Variants in LRRC4C observed in about 807,000 individuals in gnomAD.
The protein encoded by LRRC4C is leucine-rich repeat-containing protein 4C.
A neutral mutation model predicts 33.6 loss-of-function variants in LRRC4C; 5 were observed. That is an observed-to-expected ratio of 0.15 (90% CI 0.08 to 0.31). The LOEUF (loss-of-function observed/expected upper bound fraction) is 0.31. Ranked by LOEUF, LRRC4C falls within the 10% of genes least tolerant of loss-of-function variation. The pLI is 1.00. For synonymous variants in LRRC4C, 329 were observed against 302.0 expected (o/e 1.09, Z -0.93); for missense variants, 560 against 796.7 (o/e 0.70, Z 3.58).
chr11:40,696,820 T>C (rs1366974731), intron 2 of LRRC4C, among the ~76,000 whole-genome samples: 1 of 145,094 alleles, frequency 6.9e-6, no homozygotes, highest in Non-Finnish European at 1.5e-5. Context: ...ATTAGTGCCT[T>C]TGCAACAAGC....
chr11:41,069,286 A>C (rs967078838), intron 1 of LRRC4C, among the ~76,000 whole-genome samples: 10 of 152,216 alleles, frequency 6.6e-5, no homozygotes, highest in African/African-American at 2.4e-4. Flanking sequence ...AATACAAGCT[A>C]TTTATGACAA....
intron 5 of LRRC4C, among the ~76,000 whole-genome samples, chr11:40,177,885 T>C (rs1306416578): frequency 1.3e-5 from 2 of 152,244 alleles, no homozygotes; most frequent in African/African-American, 2.4e-5. Context: ...GAATTGAGCC[T>C]GGCACATAGT....
intron 2 of LRRC4C, among the ~76,000 whole-genome samples, chr11:40,679,021 G>C (rs775018112): frequency 6.6e-6 from 1 of 152,160 alleles, no homozygotes; most frequent in Non-Finnish European, 1.5e-5. Context: ...TGACAAAAAT[G>C]CTGATAGTGA....
At chr11:40,940,378 T>C (rs1375505084) in intron 1 of LRRC4C, among the ~76,000 whole-genome samples, 1 of 152,088 alleles carries the variant, frequency 6.6e-6, no homozygotes, top group East Asian at 1.9e-4. Flanking sequence ...CGGGAAACAA[T>C]GTATGATGGC....
At chr11:41,208,857 C>T (rs1012919243) in intron 1 of LRRC4C, among the ~76,000 whole-genome samples, 2 of 152,154 alleles carry the variant, frequency 1.3e-5, no homozygotes, top group Admixed American at 1.3e-4. Context: ...GCCTCAAGGA[C>T]AAGGCCACTG....
intron 1 of LRRC4C, among the ~76,000 whole-genome samples, chr11:41,441,636 A>ATGTAAC (rs1955624471): frequency 6.7e-6 from 1 of 148,248 alleles, no homozygotes; most frequent in Non-Finnish European, 1.5e-5. Context: ...AAAAAGATAG[A>ATGTAAC]TGTAACTGGC....
chr11:40,592,144 C>G (rs1353067930), intron 3 of LRRC4C, among the ~76,000 whole-genome samples: 1 of 152,176 alleles, frequency 6.6e-6, no homozygotes, highest in African/African-American at 2.4e-5. Flanking sequence ...AAGCAGCCCT[C>G]CCCTTTTGGA....
chr11:40,315,719 T>G (rs901908028), intron 4 of LRRC4C, among the ~76,000 whole-genome samples: 4 of 152,024 alleles, frequency 2.6e-5, no homozygotes, highest in Non-Finnish European at 5.9e-5. Flanking sequence ...CACTGATTTA[T>G]TTGCAATCTT....
chr11:40,431,661 A>G (rs1950941550), intron 3 of LRRC4C, among the ~76,000 whole-genome samples: 1 of 152,142 alleles, frequency 6.6e-6, no homozygotes, highest in Non-Finnish European at 1.5e-5. Flanking sequence ...TAAATGGAAT[A>G]TCTAAAATGC....
intron 3 of LRRC4C, among the ~76,000 whole-genome samples, chr11:40,409,440 G>C (rs1430869067): frequency 2.0e-5 from 3 of 151,962 alleles, no homozygotes; most frequent in Non-Finnish European, 4.4e-5. Flanking sequence ...ACACTCAGCA[G>C]AGTGAAGAGA....
intron 1 of LRRC4C, among the ~76,000 whole-genome samples, chr11:41,077,510 T>C (rs115288380): frequency 2.6e-3 from 391 of 152,322 alleles, no homozygotes; most frequent in African/African-American, 9.1e-3. Flanking sequence ...GCCTGAGCTG[T>C]ACCTTGTCCC....
intron 2 of LRRC4C, among the ~76,000 whole-genome samples, chr11:40,690,965 A>T (rs1236136109): frequency 6.6e-6 from 1 of 152,050 alleles, no homozygotes; most frequent in African/African-American, 2.4e-5. Context: ...GATGAATGAA[A>T]CAAGCAGGAG....
At chr11:40,780,085 C>A (rs1950158130) in intron 2 of LRRC4C, among the ~76,000 whole-genome samples, 1 of 152,114 alleles carries the variant, frequency 6.6e-6, no homozygotes. Context: ...AGCCTACAAT[C>A]TAGTTCTAGT....
At chr11:40,560,286 A>G (rs1306379861) in intron 3 of LRRC4C, among the ~76,000 whole-genome samples, 2 of 31,340 alleles carry the variant, frequency 6.4e-5, no homozygotes, top group Non-Finnish European at 1.5e-4. Flanking sequence ...GCTGATGTAC[A>G]CAGCACCAGG....
chr11:41,042,983 C>G, intron 1 of LRRC4C, among the ~76,000 whole-genome samples: 1 of 136,922 alleles, frequency 7.3e-6, no homozygotes, highest in East Asian at 2.2e-4. Context: ...TTCCAATGAA[C>G]TACTGCCACC....
chr11:41,213,977 T>C (rs1049184313), intron 1 of LRRC4C, among the ~76,000 whole-genome samples: 2 of 152,218 alleles, frequency 1.3e-5, no homozygotes, highest in South Asian at 4.1e-4. Flanking sequence ...TATAATATCC[T>C]TTAAAGTACT....
intron 2 of LRRC4C, among the ~76,000 whole-genome samples, chr11:40,922,002 C>T (rs550409522): frequency 6.6e-6 from 1 of 152,284 alleles, no homozygotes. Flanking sequence ...GGCAGTGTCT[C>T]ATGAGTATAA....
intron 1 of LRRC4C, among the ~76,000 whole-genome samples, chr11:41,129,316 C>T (rs1378174971): frequency 6.6e-6 from 1 of 151,954 alleles, no homozygotes; most frequent in Non-Finnish European, 1.5e-5. Context: ...GCTTCCCAAA[C>T]CCCATATATT....
intron 2 of LRRC4C, among the ~76,000 whole-genome samples, chr11:40,906,067 G>A (rs1956402383): frequency 6.6e-6 from 1 of 152,148 alleles, no homozygotes; most frequent in Non-Finnish European, 1.5e-5. Flanking sequence ...TACCACCCTG[G>A]TCAGTCAGCA....
Sources: allele counts gnomAD v4.1 joint callset (sites outside exome capture counted in the v4.1 genomes callset), GRCh38; gene constraint gnomAD v4.1.1; transcripts MANE v1.5; gene names NCBI Gene and HGNC (gene_info 2026-07-23, HGNC 2026-07-21).